ADAM12: variants seen among roughly 807,000 people sequenced by gnomAD.
ADAM12 encodes the protein disintegrin and metalloproteinase domain-containing protein 12.
ADAM12 carries 70 observed loss-of-function variants against 106.4 expected under a neutral mutation model. The observed-to-expected ratio is 0.66, with a 90% confidence interval of 0.54 to 0.80. The LOEUF (loss-of-function observed/expected upper bound fraction) is 0.80, where lower values mean the gene tolerates loss of function less well. Among genes scored for constraint, ADAM12 ranks in the 30% least tolerant of loss-of-function variants. The pLI is 0.00. For missense variants in ADAM12, 1,010 were observed against 1,171.9 expected (o/e 0.86, Z 2.02); for synonymous variants, 420 against 433.5 (o/e 0.97, Z 0.39).
At chr10:126,319,949 T>C (rs1854038131) in intron 2 of ADAM12, among the ~76,000 whole-genome samples, 1 of 152,216 alleles carries the variant, frequency 6.6e-6, no homozygotes, top group Non-Finnish European at 1.5e-5. Context: ...TCTAAACACA[T>C]GTAGTCTTGG....
intron 2 of ADAM12, among the ~76,000 whole-genome samples, chr10:126,329,024 AT>A (rs1354413879): frequency 6.6e-6 from 1 of 152,112 alleles, no homozygotes; most frequent in Non-Finnish European, 1.5e-5. Context: ...CGGCAGGCCC[AT>A]AGCCCTCAGC....
intron 3 of ADAM12, among the ~76,000 whole-genome samples, chr10:126,201,144 C>CA (rs2133819757): frequency 6.6e-6 from 1 of 152,298 alleles, no homozygotes; most frequent in East Asian, 1.9e-4. Flanking sequence ...GAAAGGATAA[C>CA]ATGATGTGTG....
chr10:126,143,594 C>T (rs1478748215), intron 4 of ADAM12, among the ~76,000 whole-genome samples: 2 of 107,196 alleles, frequency 1.9e-5, no homozygotes, highest in Admixed American at 2.1e-4. Flanking sequence ...TGTGTATATG[C>T]ATGTATCTGT....
At position 126,066,009 on chromosome 10, in the gene ADAM12, C is replaced by T. The variant is rs568936971; in HGVS notation, c.1413+708G>A. Among the ~76,000 whole-genome samples the T allele has an allele frequency of 7.2e-5, 11 of 152,274 alleles. No homozygotes were observed. The highest frequency in any genetic ancestry group is 2.2e-4 in the African/African-American group (9 of 41,548). ...ATGTTATAATGCACTTCTAAATCAC[C>T]GTGCTCACGTGGGGCAGCTAAGAGG... On this transcript the variant is annotated intron_variant, in intron 13 of 22. Coordinates refer to ENST00000448723, the MANE Select transcript of ADAM12 (RefSeq NM_001288973.2). The surrounding 1 kb of genome is among the most constrained non-coding windows in gnomAD (Gnocchi z 5.1).
rs191332597 is a variant in ADAM12, at chr10:126,330,690, T to C, written c.89-181A>G. On this transcript the variant is annotated intron_variant, in intron 1 of 22. Coordinates refer to ENST00000448723, the MANE Select transcript of ADAM12 (RefSeq NM_001288973.2). ...GCTGAATTCTCTGTCAATCTAACCA[T>C]GAAAATTTTGTAACTTAAAGAAAAC... Among the ~76,000 whole-genome samples the C allele has an allele frequency of 5.9e-4, 90 of 152,326 alleles. 1 individual carries two copies. The East Asian group carries it at 0.01, about 17-fold the overall frequency.
chr10:126,313,300 T>C (rs1333833305), intron 2 of ADAM12, among the ~76,000 whole-genome samples: 1 of 152,182 alleles, frequency 6.6e-6, no homozygotes, highest in East Asian at 1.9e-4. Context: ...AAGTACAATG[T>C]CTCCTATGAC....
chr10:126,306,390 A>G (rs1260586013), intron 2 of ADAM12, among the ~76,000 whole-genome samples: 6 of 152,036 alleles, frequency 3.9e-5, no homozygotes, highest in African/African-American at 1.4e-4. Flanking sequence ...TTACTTATCC[A>G]TATGTTGTAA....
Position 126,049,232 on chromosome 10 carries a change from A to C in ADAM12, c.1917+21T>G. Reference sequence around the variant, plus strand: ...TGTTCCAGACTTACATTTATGATCCAAGCAAACATTTGGGTCTTACTTTTC... The same window carrying C: ...TGTTCCAGACTTACATTTATGATCCCAGCAAACATTTGGGTCTTACTTTTC... On this transcript the variant is annotated intron_variant, in intron 16 of 22. Transcript: ENST00000448723. The surrounding 1 kb of genome is among the most constrained non-coding windows in gnomAD (Gnocchi z 4.4). 6.2e-7 allele frequency: 1 copy of C among 1,613,284 alleles called. No individual in the cohort carries two copies. Among genetic ancestry groups the C allele is most frequent in the Non-Finnish European group, 8.5e-7 (1 of 1,179,848 alleles).
chr10:126,041,255 G>A, intron 18 of ADAM12: 1 of 877,460 alleles, frequency 1.1e-6, no homozygotes, highest in African/African-American at 1.8e-5. Flanking sequence ...ATGAGCCCCT[G>A]AGCCATGGCC....
At chr10:126,080,848 A>G (rs1955198684) in intron 11 of ADAM12, among the ~76,000 whole-genome samples, 1 of 152,134 alleles carries the variant, frequency 6.6e-6, no homozygotes, top group Non-Finnish European at 1.5e-5. Flanking sequence ...TGCCAAGTAA[A>G]ATATTATTAG....
rs181839240 is a variant in ADAM12, at chr10:126,360,511, G to A, written c.88+27547C>T. On this transcript the variant is annotated intron_variant, in intron 1 of 22. Transcript: ENST00000448723. Reference sequence around the variant, plus strand: ...GTTCAAAGTTCCACAAATCTCTAGGGCAGAAGCAAAATGCTACCAGTGTCT... The same window carrying A: ...GTTCAAAGTTCCACAAATCTCTAGGACAGAAGCAAAATGCTACCAGTGTCT... 2.0e-5 allele frequency among the ~76,000 whole-genome samples: 3 copies of A among 152,240 alleles called. No homozygotes were observed. In the East Asian group the frequency reaches 5.8e-4, roughly 29 times the overall value.
At chr10:126,114,538 G>A (rs1011218720) in intron 6 of ADAM12, among the ~76,000 whole-genome samples, 1 of 152,224 alleles carries the variant, frequency 6.6e-6, no homozygotes, top group Non-Finnish European at 1.5e-5. Flanking sequence ...AGAGTGCAAT[G>A]GCATGATCTC....
chr10:126,108,780 C>T (rs1047477399), intron 7 of ADAM12, 116 bp from the exon 8 acceptor site: 3 of 887,562 alleles, frequency 3.4e-6, no homozygotes, highest in Non-Finnish European at 3.6e-6. Flanking sequence ...GGACCCTCCA[C>T]AGTTCACGGT....
chr10:126,050,224 C>A (rs1438128584), intron 14 of ADAM12, among the ~76,000 whole-genome samples: 1 of 152,228 alleles, frequency 6.6e-6, no homozygotes, highest in East Asian at 1.9e-4. Context: ...GCAGAGATTT[C>A]TCTCAGAGGC....
At chr10:126,287,074 G>A (rs545932584) in intron 2 of ADAM12, among the ~76,000 whole-genome samples, 7 of 152,254 alleles carry the variant, frequency 4.6e-5, no homozygotes, top group South Asian at 4.1e-4. Flanking sequence ...TTGTCCCGTC[G>A]CTACCGGTGT....
intron 3 of ADAM12, among the ~76,000 whole-genome samples, chr10:126,233,320 G>C (rs896727554): frequency 1.3e-5 from 2 of 152,150 alleles, no homozygotes; most frequent in African/African-American, 4.8e-5. Flanking sequence ...AACCAGGTAA[G>C]GAGAGTGTTA....
At chr10:126,386,500 G>A (rs1310917309) in intron 1 of ADAM12, among the ~76,000 whole-genome samples, 1 of 152,132 alleles carries the variant, frequency 6.6e-6, no homozygotes, top group Non-Finnish European at 1.5e-5. Flanking sequence ...ATCACAATAG[G>A]TAACCCATTC....
intron 11 of ADAM12, among the ~76,000 whole-genome samples, chr10:126,076,581 C>T (rs1200502662): frequency 6.6e-6 from 1 of 152,152 alleles, no homozygotes; most frequent in Non-Finnish European, 1.5e-5. Context: ...GATGGTATCT[C>T]ACTGTGGTTT....
chr10:126,158,069 A>C (rs1352936071), intron 3 of ADAM12, among the ~76,000 whole-genome samples: 2 of 152,210 alleles, frequency 1.3e-5, no homozygotes, highest in East Asian at 3.8e-4. Context: ...TTCCAAAGGG[A>C]AGCAGAGAGG....
Sources: allele counts gnomAD v4.1 joint callset (sites outside exome capture counted in the v4.1 genomes callset), GRCh38; gene constraint gnomAD v4.1.1; non-coding constraint Gnocchi (gnomAD v3.1); transcripts MANE v1.5; gene names NCBI Gene and HGNC (gene_info 2026-07-23, HGNC 2026-07-21).